ZC3H18: variants seen among roughly 807,000 people sequenced by gnomAD.
ZC3H18 encodes zinc finger CCCH-type containing 18, also known as zinc finger CCCH domain-containing protein 18.
A neutral mutation model predicts 106.1 loss-of-function variants in ZC3H18; 8 were observed. The observed-to-expected ratio is 0.08, with a 90% confidence interval of 0.04 to 0.14. The LOEUF is 0.14. ZC3H18 is among the 10% of genes least tolerant of loss of function. The probability of loss-of-function intolerance (pLI) is 1.00; values close to 1 mark genes in which losing one functional copy is unlikely to be tolerated. For missense variants in ZC3H18, 1,318 were observed against 1,278.4 expected (o/e 1.03, Z -0.47); for synonymous variants, 635 against 522.1 (o/e 1.22, Z -2.95).
chr16:88,597,709 C>T (rs753797696), intron 3 of ZC3H18, among the ~76,000 whole-genome samples: 3 of 152,156 alleles, frequency 2.0e-5, no homozygotes, highest in Non-Finnish European at 4.4e-5. Context: ...GAAATGCAGA[C>T]GTACAGAGGT....
intron 8 of ZC3H18, among the ~76,000 whole-genome samples, chr16:88,620,448 G>A (rs1905886073): frequency 6.6e-6 from 1 of 152,102 alleles, no homozygotes; most frequent in Non-Finnish European, 1.5e-5. Context: ...GGGTGTGGTG[G>A]TGCACACCTG....
At chr16:88,598,926 C>T (rs1904598447) in intron 5 of ZC3H18, among the ~76,000 whole-genome samples, 1 of 152,176 alleles carries the variant, frequency 6.6e-6, no homozygotes, top group Non-Finnish European at 1.5e-5. Context: ...ATGGCCCAAA[C>T]TCGACTCACT....
At chr16:88,622,449 T>G in intron 9 of ZC3H18, 61 bp downstream of exon 9, 1 of 1,495,830 alleles carries the variant, frequency 6.7e-7, no homozygotes, top group South Asian at 1.3e-5. Context: ...GCTGACACCA[T>G]GTACCTCACT....
intron 2 of ZC3H18, among the ~76,000 whole-genome samples, chr16:88,584,527 G>A (rs1448993107): frequency 1.3e-5 from 2 of 152,148 alleles, no homozygotes; most frequent in African/African-American, 4.8e-5. Flanking sequence ...GTGATTGGTG[G>A]ATTATTTTTG....
intron 6 of ZC3H18, among the ~76,000 whole-genome samples, chr16:88,605,640 C>T (rs1278410901): frequency 2.0e-5 from 3 of 152,262 alleles, no homozygotes; most frequent in East Asian, 1.9e-4. Context: ...TGTAATATTG[C>T]ATAACCCTTA....
At position 88,623,748 on chromosome 16, in the gene ZC3H18, C is replaced by G. The variant is rs1906116452; in HGVS notation, c.1794-210C>G. ...GACACTCGCCTCCCGGAGGACCCGC[C>G]AGTGGATGCTGACACCTTCCACGCT... On this transcript the variant is annotated intron_variant, in intron 10 of 17. Transcript: ENST00000301011. 9.0e-6 allele frequency: 8 copies of G among 886,658 alleles called. 1 individual carries two copies. In the South Asian group the frequency reaches 1.6e-4, roughly 18 times the overall value. 54.9% of individuals were successfully genotyped at this position (886,658 alleles called of 1,614,324 possible).
At chr16:88,601,100 T>C (rs1904727348) in intron 6 of ZC3H18, among the ~76,000 whole-genome samples, 1 of 152,260 alleles carries the variant, frequency 6.6e-6, no homozygotes. Flanking sequence ...TACCCTGGGC[T>C]TTCCGCCTGC....
At chr16:88,579,939 A>C (rs758704612) in intron 2 of ZC3H18, among the ~76,000 whole-genome samples, 34 of 152,212 alleles carry the variant, frequency 2.2e-4, no homozygotes, top group Non-Finnish European at 4.0e-4. Flanking sequence ...CAGGCCTTTA[A>C]CCAAGGTGGG....
chr16:88,570,557 T>C lies in ZC3H18; in HGVS notation c.-24T>C, dbSNP rs1326207094. The C allele has an allele frequency of 6.6e-6, 1 of 151,438 alleles. No individual in the cohort carries two copies. The highest frequency in any genetic ancestry group is 1.5e-5 in the Non-Finnish European group (1 of 67,754). 9.4% of individuals were successfully genotyped at this position (151,438 alleles called of 1,614,324 possible). ...GGGAGCCGTGGCCTCCTCTCCGCCC[T>C]AGCGCTGAGGTTAGCTGGGGCCGGG... On this transcript the variant is annotated 5_prime_UTR_variant, in exon 1 of 18. Transcript: ENST00000301011.
intron 1 of ZC3H18, among the ~76,000 whole-genome samples, chr16:88,573,680 G>A (rs1300349474): frequency 6.6e-6 from 1 of 151,878 alleles, no homozygotes; most frequent in Non-Finnish European, 1.5e-5. Flanking sequence ...ACAAGTAGCC[G>A]GGATTCCAGG....
intron 7 of ZC3H18, chr16:88,609,293 T>C (rs1248138003): frequency 6.8e-6 from 2 of 293,538 alleles, no homozygotes; most frequent in African/African-American, 2.2e-5. Flanking sequence ...TTTTTTTGTG[T>C]GGTGTTTGTT....
chr16:88,603,490 G>C (rs1904854401), intron 6 of ZC3H18, among the ~76,000 whole-genome samples: 1 of 151,430 alleles, frequency 6.6e-6, no homozygotes, highest in Non-Finnish European at 1.5e-5. Context: ...GGGCGTGGCA[G>C]CATGCACCTG....
intron 8 of ZC3H18, among the ~76,000 whole-genome samples, chr16:88,612,324 T>G (rs1366077348): frequency 6.6e-6 from 1 of 152,022 alleles, no homozygotes; most frequent in Non-Finnish European, 1.5e-5. Flanking sequence ...TTCTAGAATA[T>G]TCACAGAGTT....
chr16:88,610,933 T>C (rs1237906681), intron 7 of ZC3H18, among the ~76,000 whole-genome samples: 1 of 152,208 alleles, frequency 6.6e-6, no homozygotes, highest in East Asian at 1.9e-4. Flanking sequence ...CTAGAATTGG[T>C]GGTTGGGATG....
At chr16:88,626,339 AC>A (rs1386517308) in intron 13 of ZC3H18, 1 of 152,212 alleles carries the variant, frequency 6.6e-6, no homozygotes, top group African/African-American at 2.4e-5. Flanking sequence ...AGCTGTGATC[AC>A]GACATTGCAT....
At chr16:88,605,760 C>G (rs780353975) in intron 6 of ZC3H18, among the ~76,000 whole-genome samples, 3 of 152,270 alleles carry the variant, frequency 2.0e-5, no homozygotes, top group Non-Finnish European at 2.9e-5. Context: ...TCTCGAAGCT[C>G]CAAACTTCTG....
At chr16:88,594,923 G>C (rs948796947) in intron 3 of ZC3H18, among the ~76,000 whole-genome samples, 3 of 152,074 alleles carry the variant, frequency 2.0e-5, no homozygotes, top group African/African-American at 7.2e-5. Context: ...AGGCCGAGGC[G>C]GGCGGATCAC....
At position 88,624,611 on chromosome 16, in the gene ZC3H18, A is replaced by C. The variant is rs768702739; in HGVS notation, c.1908A>C (p.Ser636=). Residue 636 remains serine (S), a synonymous_variant, in exon 12 of 18, where the codon TCA becomes TCC. Transcript: ENST00000301011. Reference sequence around the variant, plus strand: ...CCTCCCTGTCTCACAGAGAGAAGTCAGTGAAGAAGCCGGCCCCGCCTCCAG... The same window carrying C: ...CCTCCCTGTCTCACAGAGAGAAGTCCGTGAAGAAGCCGGCCCCGCCTCCAG... ...APPPGKAGEK[S]VKKPAPPPAP... The C allele has an allele frequency of 6.8e-6, 11 of 1,611,292 alleles. No individual in the cohort carries two copies. In the East Asian group the frequency reaches 9.0e-5, roughly 13 times the overall value.
chr16:88,597,155 T>A (rs954737389), intron 3 of ZC3H18, among the ~76,000 whole-genome samples: 1 of 152,212 alleles, frequency 6.6e-6, no homozygotes, highest in Non-Finnish European at 1.5e-5. Context: ...TCTCTTGACG[T>A]CGTGAGCCAC....
Sources: gnomAD v4.1 joint callset for allele counts (sites outside exome capture counted in the v4.1 genomes callset) on GRCh38, gnomAD v4.1.1 for gene constraint, MANE v1.5 for transcripts, NCBI Gene and HGNC (gene_info 2026-07-23, HGNC 2026-07-21) for gene names.